The following KLHL25 variants were observed in gnomAD, a reference collection of about 807,000 sequenced individuals.
KLHL25 encodes kelch-like protein 25.
KLHL25 carries 41 observed loss-of-function variants against 30.0 expected under a neutral mutation model. That is an observed-to-expected ratio of 1.37 (90% CI 1.07 to 1.78). The LOEUF (loss-of-function observed/expected upper bound fraction) is 1.78. Among genes scored for constraint, KLHL25 ranks in the 40% most tolerant of loss-of-function variants. The pLI, the probability that KLHL25 is intolerant of heterozygous loss-of-function variation, is 0.00. For synonymous variants in KLHL25, 399 were observed against 355.3 expected (o/e 1.12, Z -1.38); for missense variants, 971 against 824.5 (o/e 1.18, Z -2.18).
intron 1 of KLHL25, among the ~76,000 whole-genome samples, chr15:85,780,820 A>G (rs2089738096): frequency 6.6e-6 from 1 of 152,226 alleles, no homozygotes; most frequent in Non-Finnish European, 1.5e-5. Context: ...ATTGGGAAAC[A>G]TCTTACAAAA....
chr15:85,770,479 C>T (rs1388074253), intron 1 of KLHL25: 1 of 533,512 alleles, frequency 1.9e-6, no homozygotes, highest in Non-Finnish European at 3.8e-6. Flanking sequence ...TAGACATCCC[C>T]CTTGCCTTGG....
At chr15:85,783,245 G>A (rs942681228) in intron 1 of KLHL25, among the ~76,000 whole-genome samples, 3 of 151,298 alleles carry the variant, frequency 2.0e-5, no homozygotes, top group African/African-American at 4.8e-5. Flanking sequence ...GGATTACCAC[G>A]GCTGGCTAAT....
chr15:85,794,815 C>G lies in KLHL25; in HGVS notation c.-60G>C. The stretch of plus-strand genomic sequence containing the variant: ...CCGCCGCCTCAGAGACCACTCCCGG[C>G]AGCCCGCGCGAGCTCAACAGGCTCC... On this transcript the variant is annotated 5_prime_UTR_variant, in exon 1 of 3. Coordinates refer to ENST00000337975, the MANE Select transcript of KLHL25 (RefSeq NM_022480.4). 1 of 152,926 alleles carries G rather than the reference C, an allele frequency of 6.5e-6. No homozygotes were observed. Among genetic ancestry groups the G allele is most frequent in the Non-Finnish European group, 1.5e-5 (1 of 68,378 alleles). The allele number at this position is 152,926 out of a possible 1,614,324, so 9.5% of individuals were successfully genotyped here. A position where few individuals can be genotyped will look rare whatever the true frequency, so the allele number is the denominator to read the frequency against.
chr15:85,793,817 AT>A (rs2089832863), intron 1 of KLHL25, among the ~76,000 whole-genome samples: 1 of 152,036 alleles, frequency 6.6e-6, no homozygotes, highest in Non-Finnish European at 1.5e-5. Context: ...CCAAGGTCAA[AT>A]TCACCGGGAT....
chr15:85,773,748 C>G (rs1296203613), intron 1 of KLHL25, among the ~76,000 whole-genome samples: 1 of 152,190 alleles, frequency 6.6e-6, no homozygotes, highest in East Asian at 1.9e-4. Flanking sequence ...CGGACTGGAC[C>G]AGGGCTGGGA....
At chr15:85,767,931 G>T in intron 2 of KLHL25, 86 bp downstream of exon 2, 1 of 864,736 alleles carries the variant, frequency 1.2e-6, no homozygotes, top group Non-Finnish European at 1.7e-6. Context: ...AAGACACGGT[G>T]ACCTTCACCC....
chr15:85,783,529 T>C (rs1457516443), intron 1 of KLHL25, among the ~76,000 whole-genome samples: 3 of 151,798 alleles, frequency 2.0e-5, no homozygotes, highest in African/African-American at 7.3e-5. Flanking sequence ...CCCTCTCTAC[T>C]AAAAATAGAA....
intron 1 of KLHL25, among the ~76,000 whole-genome samples, chr15:85,785,917 C>T (rs978023818): frequency 6.6e-6 from 1 of 152,124 alleles, no homozygotes; most frequent in Admixed American, 6.5e-5. Flanking sequence ...CTTCAAGCTG[C>T]GCTCACAATG....
chr15:85,769,463 G>A lies in KLHL25; in HGVS notation c.348C>T (p.Asn116=), dbSNP rs144919185. The part of the protein sequence containing the change: ...YSSRIAINEE[N]AESLLEAGDM... ...CGCCTGCCTCCAGCAGTGACTCAGCGTTCTCCTCGTTGATGGCGATGCGTG... is the reference window on the plus strand; with the variant it reads ...CGCCTGCCTCCAGCAGTGACTCAGCATTCTCCTCGTTGATGGCGATGCGTG... The change falls in exon 2 of 3, where the codon AAC becomes AAT. Residue 116 remains asparagine (N), a synonymous_variant. Coordinates refer to ENST00000337975, the MANE Select transcript of KLHL25 (RefSeq NM_022480.4). 4.6e-5 allele frequency: 75 copies of A among 1,613,894 alleles called. No homozygotes were observed. In the African/African-American group the frequency reaches 5.1e-4, roughly 11 times the overall value.
chr15:85,776,201 A>C (rs2089708318), intron 1 of KLHL25, among the ~76,000 whole-genome samples: 1 of 147,792 alleles, frequency 6.8e-6, no homozygotes, highest in South Asian at 2.1e-4. Context: ...GAAAGAAAGA[A>C]ATGCAGGCAG....
chr15:85,762,171 G>C (rs2089587644), intron 2 of KLHL25: 1 of 152,294 alleles, frequency 6.6e-6, no homozygotes, highest in African/African-American at 2.4e-5. Flanking sequence ...GAGAAGCTGG[G>C]GTCACAGGGG....
At chr15:85,762,255 T>A (rs2089588135) in intron 2 of KLHL25, 2 of 152,510 alleles carry the variant, frequency 1.3e-5, no homozygotes, top group East Asian at 1.9e-4. Context: ...CTTGGCCCCA[T>A]CCCAGCACGC....
At chr15:85,767,982 G>T in intron 2 of KLHL25, 35 bp downstream of exon 2, 1 of 1,407,634 alleles carries the variant, frequency 7.1e-7, no homozygotes, top group Non-Finnish European at 9.8e-7. Flanking sequence ...TGACCTTTCC[G>T]GACCCAGAGT....
In KLHL25 at chr15:85,759,931, G is replaced by A. The variant is rs189348986; in HGVS notation, c.*1105C>T. Reference sequence around the variant, plus strand: ...ACCTCTCCATAGCCCAGGTGTCAGGGAGGTGCTGGTGAGGGACCCCAGTGA... The same window carrying A: ...ACCTCTCCATAGCCCAGGTGTCAGGAAGGTGCTGGTGAGGGACCCCAGTGA... On this transcript the variant is annotated 3_prime_UTR_variant, in exon 3 of 3. Transcript: ENST00000337975. 1 of 152,410 alleles carries A rather than the reference G, an allele frequency of 6.6e-6. No homozygotes were observed. The highest frequency in any genetic ancestry group is 1.9e-4 in the East Asian group (1 of 5,194). 9.4% of individuals were successfully genotyped at this position (152,410 alleles called of 1,614,324 possible).
intron 2 of KLHL25, among the ~76,000 whole-genome samples, chr15:85,764,678 C>T (rs2089607128): frequency 6.6e-6 from 1 of 152,152 alleles, no homozygotes; most frequent in African/African-American, 2.4e-5. Flanking sequence ...GGTGGACAGG[C>T]CTTTCAGAGG....
At chr15:85,779,858 CA>C (rs1305022858) in intron 1 of KLHL25, among the ~76,000 whole-genome samples, 1 of 152,222 alleles carries the variant, frequency 6.6e-6, no homozygotes, top group Non-Finnish European at 1.5e-5. Context: ...TCCATTCACC[CA>C]TAATTTTCTG....
rs2089643617 is a variant in KLHL25, at chr15:85,768,731, C to T, written c.1080G>A (p.Val360=). The T allele has an allele frequency of 6.2e-7, 1 of 1,613,396 alleles. No individual in the cohort carries two copies. Residue 360 remains valine, a synonymous_variant, in exon 2 of 3, where the codon GTG becomes GTA. Coordinates refer to ENST00000337975, the MANE Select transcript of KLHL25 (RefSeq NM_022480.4). ...ACCATTCCTCATGTACGGTGTCGTA[C>T]ACCCAGACATCCTTGGAGACCCCGT... The part of the protein sequence containing the change: ...SENGVSKDVW[V]YDTVHEEWSK...
Position 85,778,515 on chromosome 15 carries a change from C to T in KLHL25, c.-10-8695G>A, listed in dbSNP as rs374654330. Among the ~76,000 whole-genome samples, 400 of 152,348 alleles carry T rather than the reference C, an allele frequency of 2.6e-3. 3 individuals carry two copies. The highest frequency in any genetic ancestry group is 9.2e-3 in the African/African-American group (383 of 41,578). Reference sequence around the variant, plus strand: ...CCTACTCAGCCTTAGGTATAACCATCGTCTGCATTTCACAGCTTAGGAAAC... The same window carrying T: ...CCTACTCAGCCTTAGGTATAACCATTGTCTGCATTTCACAGCTTAGGAAAC... On this transcript the variant is annotated intron_variant, in intron 1 of 2. Transcript: ENST00000337975.
At position 85,759,744 on chromosome 15, in the gene KLHL25, C is replaced by T. The variant is rs1203946968; in HGVS notation, c.*1292G>A. 4 of 152,266 alleles carry T rather than the reference C, an allele frequency of 2.6e-5. No individual in the cohort carries two copies. The highest frequency in any genetic ancestry group is 5.9e-5 in the Non-Finnish European group (4 of 68,080). The allele number at this position is 152,266 out of a possible 1,614,324, so 9.4% of individuals were successfully genotyped here. Reference sequence around the variant, plus strand: ...GTATGTGCACAGCCCCCTCCGCGGCCCTAATCTTGAGCCAGCCAAGCAGTG... The same window carrying T: ...GTATGTGCACAGCCCCCTCCGCGGCTCTAATCTTGAGCCAGCCAAGCAGTG... On this transcript the variant is annotated 3_prime_UTR_variant, in exon 3 of 3. Coordinates refer to ENST00000337975, the MANE Select transcript of KLHL25 (RefSeq NM_022480.4).
Sources: allele counts gnomAD v4.1 joint callset (sites outside exome capture counted in the v4.1 genomes callset), GRCh38; gene constraint gnomAD v4.1.1; transcripts MANE v1.5; gene names NCBI Gene and HGNC (gene_info 2026-07-23, HGNC 2026-07-21).